The following ATAD2 variants were observed in gnomAD, a reference collection of about 807,000 sequenced individuals.
The protein encoded by ATAD2 is ATPase family AAA domain containing 2, also known as ATPase family AAA domain-containing protein 2.
In ATAD2, 62 loss-of-function variants were observed where a neutral mutation model predicts 168.9. The observed-to-expected ratio is 0.37, with a 90% CI of 0.30 to 0.45. ATAD2 has a LOEUF of 0.45. Ranked by LOEUF, ATAD2 falls within the 20% of genes least tolerant of loss-of-function variation. ATAD2 has a pLI of 1.00. For synonymous variants in ATAD2, 613 were observed against 571.6 expected, an observed-to-expected ratio of 1.07 and a Z score of -1.03; for missense variants, 1,419 against 1,667.8, an observed-to-expected ratio of 0.85 and a Z score of 2.60.
chr8:123,385,888 AAT>A (rs775825716), intron 1 of ATAD2, among the ~76,000 whole-genome samples: 1 of 152,258 alleles, frequency 6.6e-6, no homozygotes, highest in East Asian at 1.9e-4. Context: ...AAAAGATGTG[AAT>A]AGAGATTTCT....
At chr8:123,358,830 C>T (rs1049252728) in intron 11 of ATAD2, among the ~76,000 whole-genome samples, 1 of 144,174 alleles carries the variant, frequency 6.9e-6, no homozygotes, top group Non-Finnish European at 1.5e-5. Flanking sequence ...CTCCTGGGTT[C>T]AAGCAATTGT....
chr8:123,400,486 A>G (rs1812980439), upstream of ATAD2: 3 of 377,704 alleles, frequency 7.9e-6, no homozygotes, highest in South Asian at 2.0e-5. The surrounding 1 kb of genome is among the most constrained non-coding windows in gnomAD (Gnocchi z 4.5). Context: ...TCGGGGGAAC[A>G]TAGTGAGACC....
At chr8:123,394,408 T>A (rs1812735317) in intron 1 of ATAD2, among the ~76,000 whole-genome samples, 1 of 152,060 alleles carries the variant, frequency 6.6e-6, no homozygotes, top group African/African-American at 2.4e-5. Context: ...GGCAAGTGGA[T>A]CACCTGAGGT....
chr8:123,330,761 T>A (rs1398088453), intron 24 of ATAD2, among the ~76,000 whole-genome samples: 1 of 152,232 alleles, frequency 6.6e-6, no homozygotes, highest in Non-Finnish European at 1.5e-5. Context: ...TGACTTCATT[T>A]TTTCTTGAAT....
rs148512784 is a variant in ATAD2 at position 123,321,189 on chromosome 8, A to T, written c.4132-14T>A. 1.8e-4 allele frequency: 281 copies of T among 1,599,962 alleles called. No individual in the cohort carries two copies. In the African/African-American group the frequency reaches 3.0e-3, roughly 17 times the overall value. On this transcript the variant is annotated splice_polypyrimidine_tract_variant and intron_variant, in intron 27 of 27. Transcript: ENST00000287394. The stretch of plus-strand genomic sequence containing the variant: ...TTGCTCCATTTTCTAGATAAAGGGG[A>T]GGAAGAGCAAATAGTAAGTTTCAAT...
At position 123,321,027 on chromosome 8, in the gene ATAD2, T is replaced by A; in HGVS notation, c.*107A>T. 1 of 945,440 alleles carries A rather than the reference T, an allele frequency of 1.1e-6. No individual in the cohort carries two copies. The highest frequency in any genetic ancestry group is 1.5e-5 in the South Asian group (1 of 67,382). 58.6% of individuals were successfully genotyped at this position (945,440 alleles called of 1,614,324 possible). On this transcript the variant is annotated 3_prime_UTR_variant, in exon 28 of 28. Transcript: ENST00000287394. ...AAATACTTTTATTTTACTATTTTAA[T>A]CTTTTCCTTAAAGATGCAGGGTTTC...
intron 1 of ATAD2, among the ~76,000 whole-genome samples, chr8:123,390,544 T>C (rs762717996): frequency 9.9e-5 from 15 of 152,232 alleles, no homozygotes; most frequent in Non-Finnish European, 1.6e-4. Context: ...CATTAAGCTA[T>C]ATACTTTTCA....
intron 2 of ATAD2, among the ~76,000 whole-genome samples, chr8:123,378,579 G>A (rs1310831012): frequency 6.6e-6 from 1 of 151,004 alleles, no homozygotes; most frequent in Admixed American, 6.7e-5. Flanking sequence ...GTGCGTGCCT[G>A]TAATCCCAGT....
intron 1 of ATAD2, among the ~76,000 whole-genome samples, chr8:123,385,713 C>T (rs937897277): frequency 6.6e-6 from 1 of 151,814 alleles, no homozygotes; most frequent in Non-Finnish European, 1.5e-5. Context: ...AGTGAAAAGG[C>T]AACCTACAGA....
chr8:123,401,026 G>C (rs563599185), upstream of ATAD2: 1 of 1,559,300 alleles, frequency 6.4e-7, no homozygotes, highest in Non-Finnish European at 8.8e-7. Context: ...AGGCACCATG[G>C]GCAGCAAGCC....
intron 24 of ATAD2, among the ~76,000 whole-genome samples, chr8:123,332,379 T>G (rs929023728): frequency 6.6e-6 from 1 of 152,196 alleles, no homozygotes; most frequent in Non-Finnish European, 1.5e-5. Flanking sequence ...AGAAACAGAA[T>G]ATATACTAAC....
At chr8:123,350,254 T>C (rs1828408680) in intron 13 of ATAD2, among the ~76,000 whole-genome samples, 1 of 152,242 alleles carries the variant, frequency 6.6e-6, no homozygotes, top group Admixed American at 6.5e-5. Context: ...AGTATGACTT[T>C]TTTAATGTCT....
chr8:123,349,874 T>TAA (rs397891535), intron 13 of ATAD2, among the ~76,000 whole-genome samples: 6 of 137,186 alleles, frequency 4.4e-5, no homozygotes, highest in African/African-American at 1.1e-4. Context: ...CCATCTCTAT[T>TAA]AAAAAAAAAA....
intron 11 of ATAD2, among the ~76,000 whole-genome samples, chr8:123,358,180 T>C (rs1014424054): frequency 1.3e-5 from 2 of 152,164 alleles, no homozygotes; most frequent in South Asian, 2.1e-4. Context: ...TTAATATTAA[T>C]AACTTTCTGA....
chr8:123,378,768 T>C (rs574256429), intron 2 of ATAD2, among the ~76,000 whole-genome samples: 1 of 148,456 alleles, frequency 6.7e-6, no homozygotes, highest in Admixed American at 6.8e-5. Context: ...GTCTTCTAAG[T>C]CATTACAAAT....
intron 1 of ATAD2, among the ~76,000 whole-genome samples, chr8:123,389,466 C>G (rs1258077990): frequency 6.6e-5 from 10 of 150,862 alleles, no homozygotes; most frequent in African/African-American, 2.2e-4. Context: ...GGTGAAAACC[C>G]AGTCTCTACT....
chr8:123,414,407 C>T (rs1173806619), intron 1 of ATAD2, among the ~76,000 whole-genome samples: 1 of 152,072 alleles, frequency 6.6e-6, no homozygotes, highest in East Asian at 1.9e-4. Flanking sequence ...AGTTTGTGCC[C>T]AATCAGGATA....
intron 1 of ATAD2, among the ~76,000 whole-genome samples, chr8:123,406,354 T>G (rs929288988): frequency 1.4e-4 from 16 of 116,960 alleles, no homozygotes; most frequent in Admixed American, 2.5e-4. Flanking sequence ...CACTCCAGCC[T>G]GGGGGACAGA....
rs1206836180 is a variant in ATAD2 at position 123,396,259 on chromosome 8, G to A, written c.99C>T (p.His33=). The change falls in exon 1 of 28, where the codon CAC becomes CAT. Residue 33 remains histidine, a synonymous_variant. Transcript: ENST00000287394. ...DLSSDFLSLE[H]IGRRRLRSAG... is the part of the protein sequence containing the mutation. ...CCGAGCGGAGCCGCCTCCGGCCGAT[G>A]TGCTCCAGACTGAGGAAGTCACTGG... 3 of 1,610,372 alleles carry A rather than the reference G, an allele frequency of 1.9e-6. No homozygotes were observed. The highest frequency in any genetic ancestry group is 2.2e-5 in the South Asian group (2 of 90,984).
Sources: gnomAD v4.1 joint callset for allele counts (sites outside exome capture counted in the v4.1 genomes callset) on GRCh38, gnomAD v4.1.1 for gene constraint, Gnocchi (gnomAD v3.1) non-coding constraint, MANE v1.5 for transcripts, NCBI Gene and HGNC (gene_info 2026-07-23, HGNC 2026-07-21) for gene names.